The following DPP6 variants were observed in gnomAD, a reference collection of about 807,000 sequenced individuals.
DPP6 encodes dipeptidyl peptidase like 6, also known as A-type potassium channel modulatory protein DPP6.
DPP6 carries 69 observed loss-of-function variants against 122.6 expected under a neutral mutation model. The ratio of observed to expected loss-of-function variants is 0.56; its 90% confidence interval spans 0.46 to 0.69. The LOEUF (loss-of-function observed/expected upper bound fraction) is 0.69. Among genes scored for constraint, DPP6 ranks in the 30% least tolerant of loss-of-function variants. The pLI, the probability that DPP6 is intolerant of heterozygous loss-of-function variation, is 0.00. For synonymous variants in DPP6, 418 were observed against 433.1 expected (o/e 0.97, Z 0.43); for missense variants, 928 against 1,116.9 (o/e 0.83, Z 2.41).
chr7:154,246,334 G>A (rs937608880), intron 1 of DPP6, among the ~76,000 whole-genome samples: 2 of 151,792 alleles, frequency 1.3e-5, no homozygotes, highest in Non-Finnish European at 2.9e-5. Flanking sequence ...CAAGAAGTTG[G>A]AAAAAGAAAT....
At chr7:154,253,766 A>T (rs983656658) in intron 1 of DPP6, among the ~76,000 whole-genome samples, 1 of 152,238 alleles carries the variant, frequency 6.6e-6, no homozygotes, top group Non-Finnish European at 1.5e-5. Context: ...TCACACTGTG[A>T]TAACTACCTG....
At chr7:154,774,060 A>C (rs1473826368) in intron 10 of DPP6, among the ~76,000 whole-genome samples, 1 of 152,230 alleles carries the variant, frequency 6.6e-6, no homozygotes, top group Non-Finnish European at 1.5e-5. Context: ...GATGAAGCCC[A>C]GAAGCCCAGT....
At chr7:154,813,877 CTTTTT>C (rs35188883) in intron 16 of DPP6, among the ~76,000 whole-genome samples, 4 of 94,472 alleles carry the variant, frequency 4.2e-5, no homozygotes, top group South Asian at 8.0e-4. Flanking sequence ...AAGCACATTT[CTTTTT>C]TTTTTTTTTT....
chr7:154,365,785 C>G (rs1445937140), intron 1 of DPP6, among the ~76,000 whole-genome samples: 1 of 151,996 alleles, frequency 6.6e-6, no homozygotes, highest in African/African-American at 2.4e-5. Flanking sequence ...GGTGAAACCC[C>G]GTCTCTACTA....
At chr7:153,884,159 A>C (rs38985), upstream of DPP6, among the ~76,000 whole-genome samples, 104,659 of 151,984 alleles carry the variant, frequency 0.69, 36,250 homozygotes, top group African/African-American at 0.76. Flanking sequence ...ATCCCTCCCC[A>C]ATTCCCGCAC....
the DPP6 span, among the ~76,000 whole-genome samples, chr7:153,777,078 C>G: frequency 5.3e-5 from 8 of 152,154 alleles, no homozygotes; most frequent in Non-Finnish European, 7.3e-5. Context: ...GGAAACAGAT[C>G]TAAACAGAAA....
intron 1 of DPP6, among the ~76,000 whole-genome samples, chr7:153,928,395 C>CTTTTTTTTTTTTTTTTTT (rs1467865041): frequency 2.0e-4 from 6 of 29,996 alleles, no homozygotes; most frequent in African/African-American, 4.0e-4. Flanking sequence ...TCTTTTCTTT[C>CTTTTTTTTTTTTTTTTTT]ATTTTTTTTT....
intron 1 of DPP6, among the ~76,000 whole-genome samples, chr7:154,394,369 T>G (rs963667944): frequency 1.3e-5 from 2 of 152,098 alleles, no homozygotes; most frequent in Non-Finnish European, 2.9e-5. Flanking sequence ...TCATATGCTA[T>G]TTGGCCATTT....
chr7:153,947,320 G>T (rs1024181097), intron 1 of DPP6, among the ~76,000 whole-genome samples: 22 of 152,106 alleles, frequency 1.4e-4, no homozygotes, highest in African/African-American at 5.3e-4. Flanking sequence ...CAGAGCATCG[G>T]CTGGGTTCAT....
intron 1 of DPP6, among the ~76,000 whole-genome samples, chr7:154,312,806 T>A (rs916565682): frequency 3.3e-5 from 5 of 152,198 alleles, no homozygotes; most frequent in Non-Finnish European, 7.3e-5. Flanking sequence ...ACCCTTTGAG[T>A]AGGCTACCCA....
rs140676386 is a variant in DPP6 at position 154,088,086 on chromosome 7, T to G, written c.243+35023T>G. Among the ~76,000 whole-genome samples the G allele has an allele frequency of 7.2e-3, 1,099 of 152,260 alleles. 20 individuals carry two copies. Among genetic ancestry groups the G allele is most frequent in the African/African-American group, 0.025 (1,053 of 41,522 alleles). ...TCAGCCAGTCTTGTGACCACACTTT[T>G]GGAGTGATGGAGTGATGGGAAGCCC... On this transcript the variant is annotated intron_variant, in intron 1 of 25. Transcript: ENST00000377770.
intron 1 of DPP6, among the ~76,000 whole-genome samples, chr7:154,414,467 A>G (rs1816857468): frequency 6.6e-6 from 1 of 152,154 alleles, no homozygotes; most frequent in Non-Finnish European, 1.5e-5. Flanking sequence ...AAAATTCCCC[A>G]TCTTGATATC....
chr7:154,395,201 G>C (rs949065587), intron 1 of DPP6, among the ~76,000 whole-genome samples: 1 of 152,258 alleles, frequency 6.6e-6, no homozygotes, highest in East Asian at 1.9e-4. Context: ...CTTTTGTAAG[G>C]TCTCTAATCT....
chr7:154,604,261 C>T lies in DPP6; in HGVS notation c.628-33560C>T, dbSNP rs954178065. 2.1e-4 allele frequency among the ~76,000 whole-genome samples: 25 copies of T among 119,968 alleles called. 8 individuals are homozygous for T. The highest frequency in any genetic ancestry group is 1.1e-4 in the Non-Finnish European group (6 of 53,296). 78.7% of individuals were successfully genotyped at this position (119,968 alleles called of 152,430 possible). A position where few individuals can be genotyped will look rare whatever the true frequency, so the allele number is the denominator to read the frequency against. Reference sequence around the variant, plus strand: ...GGCCATGTATGCACGATCCTTTTCTCGTCTTTCTCTTCTGTTCTATTTATC... The same window carrying T: ...GGCCATGTATGCACGATCCTTTTCTTGTCTTTCTCTTCTGTTCTATTTATC... On this transcript the variant is annotated intron_variant, in intron 5 of 25. Coordinates refer to ENST00000377770, the MANE Select transcript of DPP6 (RefSeq NM_130797.4).
At chr7:153,931,468 T>A (rs902210997) in intron 1 of DPP6, among the ~76,000 whole-genome samples, 1 of 152,234 alleles carries the variant, frequency 6.6e-6, no homozygotes, top group Admixed American at 6.5e-5. Flanking sequence ...TTCAGGCTCA[T>A]TGCTGTAAAT....
At chr7:154,245,664 G>T in intron 1 of DPP6, among the ~76,000 whole-genome samples, 1 of 136,424 alleles carries the variant, frequency 7.3e-6, no homozygotes, top group Non-Finnish European at 1.6e-5. Flanking sequence ...CTATGGCTAT[G>T]TTAATATCAG....
intron 9 of DPP6, among the ~76,000 whole-genome samples, chr7:154,772,559 T>G (rs1396286089): frequency 6.6e-6 from 1 of 152,174 alleles, no homozygotes; most frequent in African/African-American, 2.4e-5. Context: ...GTCTTCTCTT[T>G]TAAGCAAGGG....
intron 1 of DPP6, among the ~76,000 whole-genome samples, chr7:154,395,289 T>C (rs1814982379): frequency 6.6e-6 from 1 of 152,198 alleles, no homozygotes; most frequent in Non-Finnish European, 1.5e-5. Flanking sequence ...GGTTGGAGGT[T>C]AGGTTTCAAC....
At chr7:154,305,115 C>T (rs139310606) in intron 1 of DPP6, 7,066 of 435,320 alleles carry the variant, frequency 0.016, 141 homozygotes, top group African/African-American at 0.044. Context: ...GAGCATGCGC[C>T]GTGGGCGCCG....
Sources: gnomAD v4.1 joint callset for allele counts (sites outside exome capture counted in the v4.1 genomes callset) on GRCh38, gnomAD v4.1.1 for gene constraint, MANE v1.5 for transcripts, NCBI Gene and HGNC (gene_info 2026-07-23, HGNC 2026-07-21) for gene names.